Variants in PARP15 observed in about 807,000 individuals in gnomAD.
PARP15 encodes poly(ADP-ribose) polymerase family member 15, also known as protein mono-ADP-ribosyltransferase PARP15.
PARP15 carries 50 observed loss-of-function variants against 62.1 expected under a neutral mutation model. The ratio of observed to expected loss-of-function variants is 0.81; its 90% CI spans 0.64 to 1.02. The LOEUF is 1.02. Among genes scored for constraint, PARP15 ranks in the 50% least tolerant of loss-of-function variants. PARP15 has a pLI of 0.00. For synonymous variants in PARP15, 309 were observed against 293.1 expected (o/e 1.05, Z -0.55); for missense variants, 820 against 826.5 (o/e 0.99, Z 0.10).
At chr3:122,587,612 G>A (rs35600649) in intron 1 of PARP15, among the ~76,000 whole-genome samples, 14,324 of 152,112 alleles carry the variant, frequency 0.094, 735 homozygotes, top group Admixed American at 0.14. Context: ...TACTGCAGCC[G>A]CAACCTCCTG....
chr3:122,593,549 C>G (rs139667987), intron 1 of PARP15, among the ~76,000 whole-genome samples: 49 of 152,114 alleles, frequency 3.2e-4, no homozygotes, highest in Middle Eastern at 3.4e-3. Flanking sequence ...AAAAATAATC[C>G]TATTAATAAC....
chr3:122,619,650 T>C (rs1559976812), intron 6 of PARP15, 131 bp from the exon 7 acceptor site: 3 of 730,640 alleles, frequency 4.1e-6, no homozygotes, highest in South Asian at 3.2e-5. Flanking sequence ...GAAAGAGCAG[T>C]TGGTCGGGCG....
At chr3:122,612,581 C>A (rs540279140) in intron 3 of PARP15, among the ~76,000 whole-genome samples, 2 of 152,010 alleles carry the variant, frequency 1.3e-5, no homozygotes, top group East Asian at 1.9e-4. Flanking sequence ...GGACTACAGG[C>A]GCCTGCCACC....
At chr3:122,618,459 T>G (rs910853745) in intron 6 of PARP15, among the ~76,000 whole-genome samples, 1 of 152,034 alleles carries the variant, frequency 6.6e-6, no homozygotes, top group African/African-American at 2.4e-5. Flanking sequence ...TAGAGAAAAT[T>G]TAGTACCTGC....
chr3:122,615,978 G>A (rs1441051535), intron 5 of PARP15, 121 bp downstream of exon 5: 6 of 946,608 alleles, frequency 6.3e-6, no homozygotes, highest in Non-Finnish European at 9.8e-6. Flanking sequence ...CTGTGATGGG[G>A]GAGGTGTTAG....
intron 1 of PARP15, among the ~76,000 whole-genome samples, chr3:122,581,223 T>C (rs1179817295): frequency 6.6e-6 from 1 of 152,198 alleles, no homozygotes; most frequent in African/African-American, 2.4e-5. Context: ...TGTATTTATA[T>C]CCAGAACTGG....
chr3:122,615,535 C>A, intron 4 of PARP15: 1 of 1,102,822 alleles, frequency 9.1e-7, no homozygotes, highest in Admixed American at 3.0e-5. Flanking sequence ...ACAGTCAGCA[C>A]CCCTGCTGAC....
intron 1 of PARP15, 102 bp downstream of exon 1, chr3:122,577,955 C>A (rs190522327): frequency 0.042 from 54,250 of 1,279,274 alleles, 1,419 homozygotes; most frequent in Non-Finnish European, 0.051. Flanking sequence ...CCACGCCACG[C>A]ACAACCCTCT....
At chr3:122,586,562 G>C (rs538779212) in intron 1 of PARP15, among the ~76,000 whole-genome samples, 1 of 152,244 alleles carries the variant, frequency 6.6e-6, no homozygotes, top group African/African-American at 2.4e-5. Context: ...TGCTATTGTG[G>C]TTCTTATATT....
In PARP15 at chr3:122,636,767, C is replaced by T. The variant is rs1937399237; in HGVS notation, c.*667C>T. The stretch of plus-strand genomic sequence containing the variant: ...TACCTGGATCATTCTGCTAGGGTCT[C>T]TCTGAAGTTACAGACAAGATGTCAG... On this transcript the variant is annotated 3_prime_UTR_variant, in exon 12 of 12. Coordinates refer to ENST00000464300, the MANE Select transcript of PARP15 (RefSeq NM_001113523.3). 3.3e-5 allele frequency: 5 copies of T among 152,404 alleles called. No homozygotes were observed. In the South Asian group the frequency reaches 1.0e-3, roughly 32 times the overall value. The allele number at this position is 152,404 out of a possible 1,614,324, so 9.4% of individuals were successfully genotyped here.
chr3:122,603,271 G>A (rs1019396435), intron 1 of PARP15, among the ~76,000 whole-genome samples: 15 of 152,118 alleles, frequency 9.9e-5, no homozygotes. Context: ...ATGAGAAGTT[G>A]TCACTGTGAG....
intron 7 of PARP15, among the ~76,000 whole-genome samples, chr3:122,621,057 G>T (rs1208246233): frequency 6.6e-6 from 1 of 152,152 alleles, no homozygotes; most frequent in Admixed American, 6.5e-5. Context: ...CAGAGTGGGG[G>T]TTAAGAGCTA....
At chr3:122,589,023 T>G (rs994836916) in intron 1 of PARP15, among the ~76,000 whole-genome samples, 4 of 152,244 alleles carry the variant, frequency 2.6e-5, no homozygotes, top group Non-Finnish European at 5.9e-5. Flanking sequence ...TTGTGAATAA[T>G]GCTGCCGTGA....
intron 1 of PARP15, among the ~76,000 whole-genome samples, chr3:122,579,808 G>A (rs529758314): frequency 1.2e-3 from 181 of 151,362 alleles, no homozygotes; most frequent in African/African-American, 4.2e-3. Flanking sequence ...GTGAAACCTC[G>A]TCTCTACTAA....
At chr3:122,605,393 G>C (rs1460829929) in intron 1 of PARP15, among the ~76,000 whole-genome samples, 1 of 152,024 alleles carries the variant, frequency 6.6e-6, no homozygotes, top group African/African-American at 2.4e-5. Flanking sequence ...GATTCTTGGG[G>C]GGAATAAGTA....
At chr3:122,600,495 A>C (rs1220802852) in intron 1 of PARP15, among the ~76,000 whole-genome samples, 5 of 152,176 alleles carry the variant, frequency 3.3e-5, no homozygotes, top group African/African-American at 1.2e-4. Flanking sequence ...TCAAATGTCT[A>C]AAGACAACTG....
At chr3:122,611,305 A>G (rs1935546316) in intron 3 of PARP15, among the ~76,000 whole-genome samples, 1 of 152,200 alleles carries the variant, frequency 6.6e-6, no homozygotes, top group Non-Finnish European at 1.5e-5. Flanking sequence ...AATAAAAATA[A>G]TAATCCAACC....
At chr3:122,633,792 T>G (rs749328228) in intron 10 of PARP15, among the ~76,000 whole-genome samples, 10 of 152,206 alleles carry the variant, frequency 6.6e-5, no homozygotes, top group Non-Finnish European at 1.5e-4. Flanking sequence ...GTACAAGAAG[T>G]GCAAGAACCT....
At chr3:122,606,638 A>C (rs1191670443) in intron 2 of PARP15, among the ~76,000 whole-genome samples, 1 of 152,184 alleles carries the variant, frequency 6.6e-6, no homozygotes, top group Non-Finnish European at 1.5e-5. Context: ...TCCTGGCTGC[A>C]GATCATAATC....
Sources: gnomAD v4.1 joint callset for allele counts (sites outside exome capture counted in the v4.1 genomes callset) on GRCh38, gnomAD v4.1.1 for gene constraint, MANE v1.5 for transcripts, NCBI Gene and HGNC (gene_info 2026-07-23, HGNC 2026-07-21) for gene names.